TNFSF4: variants seen among roughly 807,000 people sequenced by gnomAD.
The protein encoded by TNFSF4 is TNF superfamily member 4, also known as tumor necrosis factor ligand superfamily member 4.
Under a neutral mutation model 7.3 loss-of-function variants are expected in TNFSF4, and 4 were observed. The observed-to-expected ratio is 0.55, with a 90% confidence interval of 0.27 to 1.25. The LOEUF is 1.25. Among genes scored for constraint, TNFSF4 ranks in the 50% most tolerant of loss-of-function variants. The pLI is 0.12. For missense variants in TNFSF4, 181 were observed against 208.8 expected, an observed-to-expected ratio of 0.87 and a Z score of 0.82; for synonymous variants, 76 against 83.7, an observed-to-expected ratio of 0.91 and a Z score of 0.50.
In TNFSF4 at chr1:173,184,321, T is replaced by C. The variant is rs1649132772; in HGVS notation, c.*2195A>G. 1.3e-5 allele frequency: 2 copies of C among 152,216 alleles called. No individual in the cohort carries two copies. Among genetic ancestry groups the C allele is most frequent in the Admixed American group, 1.3e-4 (2 of 15,284 alleles). The allele number at this position is 152,216 out of a possible 1,614,324, so 9.4% of individuals were successfully genotyped here. A position where few individuals can be genotyped will look rare whatever the true frequency, so the allele number is the denominator to read the frequency against. On this transcript the variant is annotated 3_prime_UTR_variant, in exon 3 of 3. Coordinates refer to ENST00000281834, the MANE Select transcript of TNFSF4 (RefSeq NM_003326.5). Reference sequence around the variant, plus strand: ...TGTATATCGAAGGGTTAATTCTCCCTGTGAAGGACATGACTTACAGGGACT... The same window carrying C: ...TGTATATCGAAGGGTTAATTCTCCCCGTGAAGGACATGACTTACAGGGACT...
At chr1:173,278,037 C>T in the TNFSF4 span, among the ~76,000 whole-genome samples, 1 of 152,016 alleles carries the variant, frequency 6.6e-6, no homozygotes, top group Non-Finnish European at 1.5e-5. Flanking sequence ...ATTCAATAAC[C>T]AACAAGATTT....
downstream of TNFSF4, among the ~76,000 whole-genome samples, chr1:173,183,282 GA>G (rs2101976397): frequency 6.6e-6 from 1 of 152,274 alleles, no homozygotes; most frequent in Admixed American, 6.5e-5. Flanking sequence ...CTGGGGAACA[GA>G]AGTGTTTTAA....
At chr1:173,313,854 T>C in the TNFSF4 span, among the ~76,000 whole-genome samples, 3 of 152,090 alleles carry the variant, frequency 2.0e-5, no homozygotes, top group African/African-American at 7.2e-5. Context: ...ATAGTAATAT[T>C]TGAATTTTGT....
At chr1:173,288,371 G>C in the TNFSF4 span, among the ~76,000 whole-genome samples, 1 of 152,158 alleles carries the variant, frequency 6.6e-6, no homozygotes, top group Non-Finnish European at 1.5e-5. Context: ...AGGAGGCAGA[G>C]GTTGCAGTGA....
the TNFSF4 span, among the ~76,000 whole-genome samples, chr1:173,317,976 C>T: frequency 6.6e-6 from 1 of 152,098 alleles, no homozygotes; most frequent in African/African-American, 2.4e-5. Context: ...CAGGATAGAA[C>T]AAATGGCTGA....
At chr1:173,437,398 G>A in the TNFSF4 span, among the ~76,000 whole-genome samples, 1 of 151,744 alleles carries the variant, frequency 6.6e-6, no homozygotes, top group Non-Finnish European at 1.5e-5. Context: ...TTAATTATTT[G>A]CTTATTAATT....
At chr1:173,369,918 C>T in the TNFSF4 span, among the ~76,000 whole-genome samples, 22 of 152,248 alleles carry the variant, frequency 1.4e-4, no homozygotes, top group Admixed American at 8.5e-4. Flanking sequence ...AGCTTACCCC[C>T]ATTTCCTAGC....
chr1:173,429,201 C>T, the TNFSF4 span, among the ~76,000 whole-genome samples: 5 of 151,832 alleles, frequency 3.3e-5, no homozygotes, highest in Admixed American at 6.6e-5. Flanking sequence ...CATGTTAAAA[C>T]ATTTCTTTAA....
At chr1:173,382,746 G>T in the TNFSF4 span, among the ~76,000 whole-genome samples, 1 of 151,912 alleles carries the variant, frequency 6.6e-6, no homozygotes, top group East Asian at 1.9e-4. Flanking sequence ...TGCCTGCCTG[G>T]ACTATGTCAT....
At chr1:173,181,008 A>G (rs1471330417), downstream of TNFSF4, among the ~76,000 whole-genome samples, 1 of 152,204 alleles carries the variant, frequency 6.6e-6, no homozygotes, top group Non-Finnish European at 1.5e-5. Context: ...TGATGGTTTT[A>G]TAATAGTAAG....
the TNFSF4 span, among the ~76,000 whole-genome samples, chr1:173,428,786 C>T: frequency 6.6e-6 from 1 of 152,156 alleles, no homozygotes; most frequent in Non-Finnish European, 1.5e-5. Flanking sequence ...AGGAGGATCA[C>T]CTGAGGTCAG....
chr1:173,349,862 A>C, the TNFSF4 span, among the ~76,000 whole-genome samples: 1 of 152,224 alleles, frequency 6.6e-6, no homozygotes, highest in African/African-American at 2.4e-5. Context: ...CTATTGGTAT[A>C]TTTGCTAAGA....
chr1:173,306,378 T>A, the TNFSF4 span, among the ~76,000 whole-genome samples: 248 of 152,024 alleles, frequency 1.6e-3, no homozygotes, highest in Non-Finnish European at 2.8e-3. Context: ...CTAGCTCTTA[T>A]TCCACCTTCT....
the TNFSF4 span, among the ~76,000 whole-genome samples, chr1:173,271,089 AG>A: frequency 6.6e-6 from 1 of 152,166 alleles, no homozygotes; most frequent in South Asian, 2.1e-4. Context: ...ACCATTCTGT[AG>A]GTTGCCTGTT....
the TNFSF4 span, among the ~76,000 whole-genome samples, chr1:173,362,200 C>G: frequency 6.6e-6 from 1 of 152,108 alleles, no homozygotes; most frequent in East Asian, 1.9e-4. Context: ...ATAAAGAAAG[C>G]CTTGGTTAAC....
chr1:173,267,886 G>GAGAAC, the TNFSF4 span, among the ~76,000 whole-genome samples: 4 of 115,326 alleles, frequency 3.5e-5, no homozygotes, highest in African/African-American at 1.2e-4. Context: ...GAGAGGAGAG[G>GAGAAC]AGAGCAGAGG....
the TNFSF4 span, among the ~76,000 whole-genome samples, chr1:173,392,654 T>C: frequency 6.6e-6 from 1 of 152,338 alleles, no homozygotes; most frequent in African/African-American, 2.4e-5. Context: ...AAACTTATTC[T>C]TGGCATTTTA....
the TNFSF4 span, among the ~76,000 whole-genome samples, chr1:173,421,495 A>C: frequency 0.84 from 127,408 of 152,054 alleles, 53,665 homozygotes; most frequent in African/African-American, 0.92. Context: ...CTAGGGAATT[A>C]TTCTCATCTG....
At chr1:173,223,419 G>T in the TNFSF4 span, among the ~76,000 whole-genome samples, 7 of 151,904 alleles carry the variant, frequency 4.6e-5, no homozygotes, top group South Asian at 2.1e-4. Context: ...CTCTAGAAAA[G>T]AATATTTATT....
Sources: gnomAD v4.1 joint callset for allele counts (sites outside exome capture counted in the v4.1 genomes callset) on GRCh38, gnomAD v4.1.1 for gene constraint, MANE v1.5 for transcripts, NCBI Gene and HGNC (gene_info 2026-07-23, HGNC 2026-07-21) for gene names.